Variants in CEP83 observed in about 807,000 individuals in gnomAD.
CEP83 encodes centrosomal protein 83.
CEP83 carries 70 observed loss-of-function variants against 101.9 expected under a neutral mutation model. That is an observed-to-expected ratio of 0.69 (90% CI 0.57 to 0.84). The LOEUF (loss-of-function observed/expected upper bound fraction) is 0.84, where lower values mean the gene tolerates loss of function less well. Ranked by LOEUF, CEP83 falls within the 40% of genes least tolerant of loss-of-function variation. CEP83 has a pLI of 0.00. For synonymous variants in CEP83, 264 were observed against 267.9 expected, an observed-to-expected ratio of 0.99 and a Z score of 0.14; for missense variants, 715 against 787.2, an observed-to-expected ratio of 0.91 and a Z score of 1.10.
intron 6 of CEP83, among the ~76,000 whole-genome samples, chr12:94,385,904 A>T (rs1041788279): frequency 2.0e-5 from 3 of 152,176 alleles, no homozygotes; most frequent in African/African-American, 7.2e-5. Context: ...TAGGTACACA[A>T]ATATTAACCA....
the CEP83 span, among the ~76,000 whole-genome samples, chr12:94,293,745 G>A: frequency 1.3e-5 from 2 of 152,102 alleles, no homozygotes; most frequent in Non-Finnish European, 2.9e-5. Flanking sequence ...CAGCCTCCCA[G>A]GTAGCTGGGA....
intron 11 of CEP83, among the ~76,000 whole-genome samples, chr12:94,345,425 C>T (rs1235132183): frequency 2.0e-5 from 3 of 151,990 alleles, no homozygotes; most frequent in Non-Finnish European, 4.4e-5. Context: ...GTTTATGGCT[C>T]GGGAGGCAGC....
intron 11 of CEP83, among the ~76,000 whole-genome samples, chr12:94,340,051 T>G (rs1415839941): frequency 3.3e-5 from 5 of 152,232 alleles, no homozygotes; most frequent in South Asian, 2.1e-4. Context: ...TTTTTTGGTT[T>G]GTTTTTAAAA....
chr12:94,426,940 C>A (rs911051953), intron 2 of CEP83, among the ~76,000 whole-genome samples: 6 of 152,202 alleles, frequency 3.9e-5, no homozygotes, highest in Admixed American at 3.9e-4. Flanking sequence ...TGGCCAACAA[C>A]TTGATTTCTG....
chr12:94,310,835 G>A (rs1232075804), intron 15 of CEP83, among the ~76,000 whole-genome samples: 1 of 152,154 alleles, frequency 6.6e-6, no homozygotes, highest in African/African-American at 2.4e-5. Flanking sequence ...TAATATTTTA[G>A]TAAGAAATAT....
intron 1 of CEP83, among the ~76,000 whole-genome samples, chr12:94,440,622 A>G (rs2066332290): frequency 6.6e-6 from 1 of 152,140 alleles, no homozygotes; most frequent in African/African-American, 2.4e-5. Flanking sequence ...GCCAAGAGCA[A>G]TCTACAAATT....
At chr12:94,428,655 T>C (rs193023549) in intron 2 of CEP83, among the ~76,000 whole-genome samples, 60 of 152,240 alleles carry the variant, frequency 3.9e-4, no homozygotes, top group Non-Finnish European at 1.3e-4. Flanking sequence ...AAAAAGGAGA[T>C]AAATAAAAGC....
Position 94,378,890 on chromosome 12 carries a change from T to C in CEP83, c.702A>G (p.Leu234=). The stretch of plus-strand genomic sequence containing the variant: ...CCTCAGAATTCTCCTTTTCAGCCTT[T>C]AATTCCGCTACTTCAGCCTCTAAAC... ...LKGLEAEVAE[L]KAEKENSEAQ... is the part of the protein sequence containing the mutation. The change falls in exon 7 of 17, where the codon TTA becomes TTG. Residue 234 remains leucine (L), a synonymous_variant. Coordinates refer to ENST00000397809, the MANE Select transcript of CEP83 (RefSeq NM_016122.3). The C allele has an allele frequency of 6.2e-7, 1 of 1,614,118 alleles. No individual in the cohort carries two copies.
intron 15 of CEP83, among the ~76,000 whole-genome samples, chr12:94,312,266 T>C (rs898310087): frequency 1.3e-5 from 2 of 152,164 alleles, no homozygotes; most frequent in African/African-American, 2.4e-5. Context: ...TTGGTAATAA[T>C]TGCACCCAAG....
intron 11 of CEP83, among the ~76,000 whole-genome samples, chr12:94,362,113 T>C (rs900484179): frequency 1.3e-5 from 2 of 152,144 alleles, no homozygotes; most frequent in Non-Finnish European, 2.9e-5. Context: ...ATGATCTGAA[T>C]GGATCATTCA....
chr12:94,342,423 C>A (rs1020479771), intron 11 of CEP83, among the ~76,000 whole-genome samples: 2 of 152,084 alleles, frequency 1.3e-5, no homozygotes, highest in Non-Finnish European at 2.9e-5. Context: ...ACAAATAAAG[C>A]CACACAAAAC....
intron 6 of CEP83, among the ~76,000 whole-genome samples, chr12:94,397,684 TATC>T (rs1455798337): frequency 1.3e-5 from 2 of 152,176 alleles, no homozygotes; most frequent in East Asian, 3.8e-4. Context: ...ACCAGATAAG[TATC>T]ATCATTAGAT....
Position 94,308,548 on chromosome 12 carries a change from T to TCTAA in CEP83, c.*261_*264dup, listed in dbSNP as rs142765580. On this transcript the variant is annotated 3_prime_UTR_variant, in exon 17 of 17. Transcript: ENST00000397809. Reference sequence around the variant, plus strand: ...CAAAGTAAAAATTTTAAAACTTGACTCTAACTAGTTCCTTTTTGTTTTACA... The same window carrying TCTAA: ...CAAAGTAAAAATTTTAAAACTTGACTCTAACTAACTAGTTCCTTTTTGTTTTACA... The TCTAA allele has an allele frequency of 1.6e-3, 410 of 249,126 alleles. 2 individuals carry two copies. The highest frequency in any genetic ancestry group is 8.4e-3 in the African/African-American group (372 of 44,300). The allele number at this position is 249,126 out of a possible 1,614,324, so 15.4% of individuals were successfully genotyped here. A position where few individuals can be genotyped will look rare whatever the true frequency, so the allele number is the denominator to read the frequency against.
chr12:94,277,510 T>C, the CEP83 span, among the ~76,000 whole-genome samples: 1 of 152,212 alleles, frequency 6.6e-6, no homozygotes, highest in African/African-American at 2.4e-5. Flanking sequence ...TTACTGTTGT[T>C]ATGCCCTCTT....
chr12:94,367,140 T>C (rs1042429454), intron 11 of CEP83, among the ~76,000 whole-genome samples: 1 of 151,998 alleles, frequency 6.6e-6, no homozygotes, highest in African/African-American at 2.4e-5. Context: ...ATAAGAATTA[T>C]CAATGGATAC....
intron 8 of CEP83, among the ~76,000 whole-genome samples, chr12:94,373,081 A>C (rs2061375313): frequency 6.6e-6 from 1 of 152,180 alleles, no homozygotes; most frequent in Admixed American, 6.5e-5. Flanking sequence ...CTTGGTTCTT[A>C]ATCTTCTTTG....
intron 14 of CEP83, among the ~76,000 whole-genome samples, chr12:94,322,445 T>C (rs998806702): frequency 3.3e-5 from 5 of 152,176 alleles, no homozygotes; most frequent in African/African-American, 9.7e-5. Context: ...CACTTTTTCA[T>C]AGAGCAGTTG....
At chr12:94,451,958 C>T (rs1005407814) in intron 1 of CEP83, among the ~76,000 whole-genome samples, 1 of 152,168 alleles carries the variant, frequency 6.6e-6, no homozygotes, top group African/African-American at 2.4e-5. Context: ...ATGGGAAATA[C>T]TATTCACCAA....
intron 2 of CEP83, among the ~76,000 whole-genome samples, chr12:94,430,853 C>T (rs1392323503): frequency 6.6e-6 from 1 of 152,028 alleles, no homozygotes; most frequent in Admixed American, 6.6e-5. Context: ...AAAGAGAATT[C>T]CAAAAACAGC....
Sources: allele counts gnomAD v4.1 joint callset (sites outside exome capture counted in the v4.1 genomes callset), GRCh38; gene constraint gnomAD v4.1.1; transcripts MANE v1.5; gene names NCBI Gene and HGNC (gene_info 2026-07-23, HGNC 2026-07-21).